Variants in UGT1A6 observed in about 807,000 individuals in gnomAD.
The protein encoded by UGT1A6 is UDP glucuronosyltransferase family 1 member A6, also known as UDP-glucuronosyltransferase 1A6.
Under a neutral mutation model 44.4 loss-of-function variants are expected in UGT1A6, and 32 were observed. The observed-to-expected ratio is 0.72, with a 90% CI of 0.54 to 0.97. The LOEUF (loss-of-function observed/expected upper bound fraction) is 0.97. UGT1A6 is among the 50% of genes least tolerant of loss of function. The pLI, the probability that UGT1A6 is intolerant of heterozygous loss-of-function variation, is 0.00. For synonymous variants in UGT1A6, 238 were observed against 248.5 expected, an observed-to-expected ratio of 0.96 and a Z score of 0.40; for missense variants, 685 against 661.9, an observed-to-expected ratio of 1.03 and a Z score of -0.38.
intron 1 of UGT1A6, among the ~76,000 whole-genome samples, chr2:233,731,205 G>A (rs956328200): frequency 4.6e-5 from 7 of 151,358 alleles, no homozygotes; most frequent in African/African-American, 1.5e-4. Context: ...TATAAAATAC[G>A]TGTTTATTTA....
intron 1 of UGT1A6, among the ~76,000 whole-genome samples, chr2:233,766,756 G>A (rs1351928821): frequency 2.0e-5 from 3 of 152,168 alleles, no homozygotes; most frequent in Non-Finnish European, 4.4e-5. Flanking sequence ...GTGCATGTGT[G>A]TGCATGTACC....
chr2:233,693,316 C>T lies in UGT1A6; in HGVS notation c.312C>T (p.Phe104=). ...FGNNHFAERS[F]LTAPQTEYRN... ...ACAATCACTTTGCTGAGCGATCATT[C>T]CTAACTGCTCCTCAGACAGAGTACA... The change falls in exon 1 of 5, where the codon TTC becomes TTT. Residue 104 remains phenylalanine (F), a synonymous_variant. Transcript: ENST00000305139. The T allele has an allele frequency of 1.2e-6, 2 of 1,614,156 alleles. No homozygotes were observed. Among genetic ancestry groups the T allele is most frequent in the Non-Finnish European group, 1.7e-6 (2 of 1,180,028 alleles).
intron 4 of UGT1A6, 40 bp downstream of exon 4, chr2:233,768,479 T>C: frequency 6.3e-7 from 1 of 1,593,226 alleles, no homozygotes; most frequent in Non-Finnish European, 8.6e-7. Context: ...GGTCATGGCA[T>C]TCATGATAAA....
chr2:233,772,619 A>G lies in UGT1A6; in HGVS notation c.*60A>G. ...ATTCCCTAGTCATTTCCAAACTTGAAAACAGAATCAGTGTTAAATTCATTT... is the reference window on the plus strand; with the variant it reads ...ATTCCCTAGTCATTTCCAAACTTGAGAACAGAATCAGTGTTAAATTCATTT... On this transcript the variant is annotated 3_prime_UTR_variant, in exon 5 of 5. Coordinates refer to ENST00000305139, the MANE Select transcript of UGT1A6 (RefSeq NM_001072.4). The G allele has an allele frequency of 1.3e-6, 2 of 1,569,672 alleles. No homozygotes were observed. The highest frequency in any genetic ancestry group is 1.7e-6 in the Non-Finnish European group (2 of 1,156,572).
At chr2:233,724,735 G>C (rs978889272) in intron 1 of UGT1A6, among the ~76,000 whole-genome samples, 4 of 144,116 alleles carry the variant, frequency 2.8e-5, no homozygotes, top group Non-Finnish European at 4.5e-5. Flanking sequence ...AGGCAGAGGG[G>C]CTCCTCACAT....
intron 1 of UGT1A6, among the ~76,000 whole-genome samples, chr2:233,720,373 A>G (rs1230236901): frequency 1.3e-5 from 2 of 152,118 alleles, no homozygotes; most frequent in Non-Finnish European, 2.9e-5. Flanking sequence ...AGGGTCTTCT[A>G]CTTGGAATGC....
intron 1 of UGT1A6, among the ~76,000 whole-genome samples, chr2:233,751,636 C>T (rs915046603): frequency 2.0e-5 from 3 of 152,122 alleles, no homozygotes; most frequent in African/African-American, 7.2e-5. Flanking sequence ...GTGCAGTTTC[C>T]CCCTTGCTGT....
intron 1 of UGT1A6, among the ~76,000 whole-genome samples, chr2:233,707,341 G>A (rs2075956396): frequency 6.6e-6 from 1 of 152,038 alleles, no homozygotes; most frequent in Non-Finnish European, 1.5e-5. Flanking sequence ...GTGGTTTGCT[G>A]CCCAGATCAA....
intron 1 of UGT1A6, among the ~76,000 whole-genome samples, chr2:233,711,736 A>T (rs2076194358): frequency 6.6e-6 from 1 of 152,220 alleles, no homozygotes; most frequent in Non-Finnish European, 1.5e-5. Context: ...GCAATGGCAG[A>T]CACGGCCAGG....
intron 1 of UGT1A6, chr2:233,713,141 C>G (rs3755322): frequency 0.098 from 158,591 of 1,614,032 alleles, 8,806 homozygotes; most frequent in South Asian, 0.2. Flanking sequence ...CCTTGCGGGA[C>G]CTCCATGCGA....
chr2:233,702,177 T>C (rs2075673724), intron 1 of UGT1A6, among the ~76,000 whole-genome samples: 1 of 152,186 alleles, frequency 6.6e-6, no homozygotes. Flanking sequence ...CTTCTTTCTC[T>C]CCTTCCTCCA....
chr2:233,699,971 A>G (rs1575467099), intron 1 of UGT1A6, among the ~76,000 whole-genome samples: 1 of 152,190 alleles, frequency 6.6e-6, no homozygotes, highest in Admixed American at 6.5e-5. Flanking sequence ...CCCGTCCCCC[A>G]ACTCCCAACA....
intron 1 of UGT1A6, chr2:233,760,232 C>T: frequency 1.4e-6 from 2 of 1,429,080 alleles, no homozygotes; most frequent in South Asian, 2.6e-5. Flanking sequence ...TTGGTTTTTG[C>T]CATATATATA....
intron 1 of UGT1A6, among the ~76,000 whole-genome samples, chr2:233,759,538 A>T (rs1009544779): frequency 6.6e-6 from 1 of 152,036 alleles, no homozygotes. Context: ...TTCTGTTCAC[A>T]TGCGCTCCAG....
At chr2:233,742,102 G>T (rs1682785139) in intron 1 of UGT1A6, 1 of 151,856 alleles carries the variant, frequency 6.6e-6, no homozygotes, top group South Asian at 2.1e-4. Context: ...AGGACCCACT[G>T]CCAAGACCAG....
At chr2:233,766,924 A>T (rs985684086) in intron 1 of UGT1A6, 110 bp from the exon 2 acceptor site, 2 of 1,565,450 alleles carry the variant, frequency 1.3e-6, no homozygotes, top group East Asian at 4.5e-5. Context: ...TCAAACACGC[A>T]TGCCTTTAAT....
intron 1 of UGT1A6, chr2:233,742,007 T>G (rs1248075328): frequency 3.3e-5 from 5 of 151,958 alleles, no homozygotes; most frequent in Admixed American, 3.3e-4. Flanking sequence ...TACACTTGGC[T>G]TTCATCAACC....
Position 233,747,263 on chromosome 2 carries a change from T to G in UGT1A6, c.862-19771T>G, listed in dbSNP as rs1693601928. 9 of 1,599,140 alleles carry G rather than the reference T, an allele frequency of 5.6e-6. 1 individual carries two copies. The highest frequency in any genetic ancestry group is 3.6e-4 in the Middle Eastern group (2 of 5,530). ...CTGCTGTGGCTGGCCACAGGAGTGCTACTCCTTCTCAGTGCCCAGCCCTGG... is the reference window on the plus strand; with the variant it reads ...CTGCTGTGGCTGGCCACAGGAGTGCGACTCCTTCTCAGTGCCCAGCCCTGG... On this transcript the variant is annotated intron_variant, in intron 1 of 4. Coordinates refer to ENST00000305139, the MANE Select transcript of UGT1A6 (RefSeq NM_001072.4).
chr2:233,747,271 C>T (rs1693606157), intron 1 of UGT1A6: 4 of 1,598,912 alleles, frequency 2.5e-6, no homozygotes, highest in Non-Finnish European at 8.5e-7. Flanking sequence ...GCTACTCCTT[C>T]TCAGTGCCCA....
Sources: gnomAD v4.1 joint callset for allele counts (sites outside exome capture counted in the v4.1 genomes callset) on GRCh38, gnomAD v4.1.1 for gene constraint, MANE v1.5 for transcripts, NCBI Gene and HGNC (gene_info 2026-07-23, HGNC 2026-07-21) for gene names.